EML3: variants seen among roughly 807,000 people sequenced by gnomAD.
The protein encoded by EML3 is EMAP like 3.
Under a neutral mutation model 106.7 loss-of-function variants are expected in EML3, and 53 were observed. The observed-to-expected ratio is 0.50, with a 90% CI of 0.40 to 0.62. The LOEUF (loss-of-function observed/expected upper bound fraction) is 0.62, where lower values mean the gene tolerates loss of function less well. EML3 is among the 20% of genes least tolerant of loss of function. The pLI is 0.00. For synonymous variants in EML3, 499 were observed against 489.6 expected (o/e 1.02, Z -0.25); for missense variants, 994 against 1,209.1 (o/e 0.82, Z 2.64).
At chr11:62,612,393 C>T in intron 1 of EML3, 43 bp downstream of exon 1, 1 of 1,495,968 alleles carries the variant, frequency 6.7e-7, no homozygotes, top group South Asian at 1.2e-5. Context: ...ACGAGCCGGG[C>T]GCTCCGGGAA....
chr11:62,612,405 G>A, intron 1 of EML3, 31 bp downstream of exon 1: 3 of 1,500,262 alleles, frequency 2.0e-6, no homozygotes, highest in Non-Finnish European at 2.7e-6. Flanking sequence ...CTCCGGGAAG[G>A]GGCACGCCGC....
Position 62,602,656 on chromosome 11 carries a change from C to T in EML3, c.2510G>A (p.Gly837Asp). ...GACGCTGGTCACGTGGCTGCCGTGG[C>T]CCCCGTACATGCGGCTCGGCGCCTG... ...RAKAPSRMYG[G>D]HGSHVTSVRF... Residue 837 changes from glycine to aspartate, a missense_variant, in exon 22 of 22, where the codon GGC becomes GAC. Coordinates refer to ENST00000394773, the MANE Select transcript of EML3 (RefSeq NM_153265.3). 1.9e-6 allele frequency: 3 copies of T among 1,595,988 alleles called. No homozygotes were observed. Among genetic ancestry groups the T allele is most frequent in the Non-Finnish European group, 2.6e-6 (3 of 1,174,470 alleles).
At position 62,606,213 on chromosome 11, in the gene EML3, C is replaced by A; in HGVS notation, c.1506G>T (p.Glu502Asp). The A allele has an allele frequency of 7.4e-6, 12 of 1,613,698 alleles. No homozygotes were observed. Among genetic ancestry groups the A allele is most frequent in the Non-Finnish European group, 1.0e-5 (12 of 1,179,936 alleles). The change falls in exon 13 of 22, where the codon GAG becomes GAT. Residue 502 changes from glutamate to aspartate, a missense_variant and splice_region_variant. By Grantham distance (45) the Glu-to-Asp change is conservative. This residue lies in a region of EML3 where 713 missense variants were observed against 920.5 expected (regional missense o/e 0.77). Coordinates refer to ENST00000394773, the MANE Select transcript of EML3 (RefSeq NM_153265.3). ...SKTPGRGGAKETYGIVAQAHA... is the reference protein window; with the variant it reads ...SKTPGRGGAKDTYGIVAQAHA... ...GAGCCTGGGCCACAATCCCATAGGTCTCTGTTGGCAAAGCCCCAGGTAGAT... is the reference window on the plus strand; with the variant it reads ...GAGCCTGGGCCACAATCCCATAGGTATCTGTTGGCAAAGCCCCAGGTAGAT...
rs1425750568 is a variant in EML3 at position 62,602,690 on chromosome 11, G to A, written c.2488-12C>T. 1.9e-6 allele frequency: 3 copies of A among 1,599,218 alleles called. No individual in the cohort carries two copies. The highest frequency in any genetic ancestry group is 2.6e-6 in the Non-Finnish European group (3 of 1,175,298). Reference sequence around the variant, plus strand: ...ATGCGGCTCGGCGCCTGGGCCGGAGGGAAGAGTTGCGGTGGCGGCTGAGCC... The same window carrying A: ...ATGCGGCTCGGCGCCTGGGCCGGAGAGAAGAGTTGCGGTGGCGGCTGAGCC... On this transcript the variant is annotated splice_polypyrimidine_tract_variant and intron_variant, in intron 21 of 21. Coordinates refer to ENST00000394773, the MANE Select transcript of EML3 (RefSeq NM_153265.3).
chr11:62,602,929 C>T, intron 20 of EML3, 40 bp from the exon 21 acceptor site: 1 of 1,495,876 alleles, frequency 6.7e-7, no homozygotes, highest in Non-Finnish European at 8.9e-7. Flanking sequence ...TCCTACCCAC[C>T]GCCACCCACG....
chr11:62,605,773 C>T lies in EML3; in HGVS notation c.1783G>A (p.Gly595Ser), dbSNP rs1802916301. ...AGCCCCCAGAGCTCATCAGTGTGGC[C>T]CTGCAGCACAGCATGACTGTCACTC... ...LAQGFSPVIQ[G>S]HTDELWGLCT... is the part of the protein sequence containing the mutation. The change falls in exon 15 of 22, where the codon GGC (glycine) becomes AGC (serine). Residue 595 changes from glycine (G) to serine (S), a missense_variant and splice_region_variant. Around this residue, in one of 3 missense-constraint regions of EML3, gnomAD observed 713 missense variants for 920.5 expected, o/e 0.77. Transcript: ENST00000394773. The surrounding 1 kb of genome is among the most constrained non-coding windows in gnomAD (Gnocchi z 5.2). 3.8e-6 allele frequency: 6 copies of T among 1,596,638 alleles called. No homozygotes were observed. Among genetic ancestry groups the T allele is most frequent in the Non-Finnish European group, 5.1e-6 (6 of 1,169,784 alleles).
intron 5 of EML3, 40 bp from the exon 6 acceptor site, chr11:62,609,517 G>C (rs746057333): frequency 1.3e-6 from 2 of 1,542,652 alleles, no homozygotes; most frequent in East Asian, 2.3e-5. Flanking sequence ...CCCCTTCCAG[G>C]AAAGACAGAG....
intron 4 of EML3, among the ~76,000 whole-genome samples, chr11:62,610,532 G>A (rs1398371548): frequency 1.3e-5 from 2 of 152,158 alleles, no homozygotes; most frequent in Non-Finnish European, 2.9e-5. Flanking sequence ...TGATGTAGTG[G>A]AAAGGGTAGG....
chr11:62,607,923 A>G (rs1478052718), intron 10 of EML3, 102 bp from the exon 11 acceptor site: 3 of 1,387,442 alleles, frequency 2.2e-6, no homozygotes, highest in Non-Finnish European at 3.0e-6. Context: ...GCAGAGGTCC[A>G]GAAACCCCAG....
intron 19 of EML3, 107 bp from the exon 20 acceptor site, chr11:62,603,354 G>T: frequency 9.6e-7 from 1 of 1,044,274 alleles, no homozygotes; most frequent in Non-Finnish European, 1.5e-6. Flanking sequence ...GCGATGGCAT[G>T]TGATCTGGTC....
In EML3 at chr11:62,609,711, G is replaced by C; in HGVS notation, c.567-15C>G. 2 of 1,588,760 alleles carry C rather than the reference G, an allele frequency of 1.3e-6. No homozygotes were observed. The highest frequency in any genetic ancestry group is 1.7e-6 in the Non-Finnish European group (2 of 1,169,022). On this transcript the variant is annotated splice_polypyrimidine_tract_variant and intron_variant, in intron 4 of 21. Transcript: ENST00000394773. ...TTCCCCCACGGCTGTTGGGAAGAGA[G>C]AAAGCACAGGGATTGGGGTCAGGTC...
In EML3 at chr11:62,604,118, C is replaced by T. The variant is rs776817379; in HGVS notation, c.2066G>A (p.Ser689Asn). 3.7e-6 allele frequency: 6 copies of T among 1,614,018 alleles called. No homozygotes were observed. The highest frequency in any genetic ancestry group is 2.2e-5 in the South Asian group (2 of 91,074). The change falls in exon 17 of 22, where the codon AGC becomes AAC. Residue 689 changes from serine to asparagine, a missense_variant. By Grantham distance (46) the Ser-to-Asn change is conservative. This residue lies in a region of EML3 where 713 missense variants were observed against 920.5 expected (regional missense o/e 0.77). Coordinates refer to ENST00000394773, the MANE Select transcript of EML3 (RefSeq NM_153265.3). Reference sequence around the variant, plus strand: ...AGGGTTGGGGTGGCTCCCACCTGGGCTGTACCGGACCACTGAGAGCTGCTC... The same window carrying T: ...AGGGTTGGGGTGGCTCCCACCTGGGTTGTACCGGACCACTGAGAGCTGCTC... ...GNEQLSVVRYSPDGLYLAIGS... is the reference protein window; with the variant it reads ...GNEQLSVVRYNPDGLYLAIGS...
chr11:62,605,596 G>A lies in EML3; in HGVS notation c.1914+46C>T. 1 of 1,508,530 alleles carries A rather than the reference G, an allele frequency of 6.6e-7. No homozygotes were observed. The highest frequency in any genetic ancestry group is 8.9e-7 in the Non-Finnish European group (1 of 1,129,464). 93.4% of individuals were successfully genotyped at this position (1,508,530 alleles called of 1,614,324 possible). On this transcript the variant is annotated intron_variant, in intron 15 of 21. Transcript: ENST00000394773. The surrounding 1 kb of genome is among the most constrained non-coding windows in gnomAD (Gnocchi z 5.2). Reference sequence around the variant, plus strand: ...TGGGGAAGGCGTGGTGGCCACAGGTGTCCTGGTGGGTGTGGCATGGGGGAT... The same window carrying A: ...TGGGGAAGGCGTGGTGGCCACAGGTATCCTGGTGGGTGTGGCATGGGGGAT...
intron 16 of EML3, chr11:62,604,851 T>A (rs1175154735): frequency 6.3e-6 from 2 of 315,648 alleles, no homozygotes; most frequent in Non-Finnish European, 1.2e-5. Context: ...CCCCTCCCAT[T>A]CCCACTGTTT....
Position 62,604,204 on chromosome 11 carries a change from G to A in EML3, c.1983-3C>T, listed in dbSNP as rs1942398605. 2.5e-6 allele frequency: 4 copies of A among 1,613,720 alleles called. No individual in the cohort carries two copies. The highest frequency in any genetic ancestry group is 3.4e-6 in the Non-Finnish European group (4 of 1,179,914). On this transcript the variant is annotated splice_polypyrimidine_tract_variant and splice_region_variant and intron_variant, in intron 16 of 21. Transcript: ENST00000394773. ...TCTCTGTGTCCAAAACCAACCACCT[G>A]GAAGGGAGGGAAGTGGAGGCAGATA...
rs113469859 is a variant in EML3 at position 62,604,814 on chromosome 11, C to G, written c.1982+299G>C. On this transcript the variant is annotated intron_variant, in intron 16 of 21. Coordinates refer to ENST00000394773, the MANE Select transcript of EML3 (RefSeq NM_153265.3). ...ACAAAGGCACTGTGCAAGCTGGAAG[C>G]CTGTCACTTCCCTGTGTTTGTCTAT... is the stretch of plus-strand genomic sequence containing the variant. 11 of 256,288 alleles carry G rather than the reference C, an allele frequency of 4.3e-5. 1 individual carries two copies. The highest frequency in any genetic ancestry group is 2.3e-4 in the African/African-American group (10 of 44,308). The allele number at this position is 256,288 out of a possible 1,614,324, so 15.9% of individuals were successfully genotyped here.
chr11:62,610,888 C>T lies in EML3; in HGVS notation c.557G>A (p.Ser186Asn), dbSNP rs368782143. The T allele has an allele frequency of 6.2e-7, 1 of 1,610,592 alleles. No individual in the cohort carries two copies. The highest frequency in any genetic ancestry group is 1.3e-5 in the African/African-American group (1 of 74,896). ...GGGAAGCCTCACCCACCTCTCTGTGCTCCCGGACCGCACTAACAGGTTGGC... is the reference window on the plus strand; with the variant it reads ...GGGAAGCCTCACCCACCTCTCTGTGTTCCCGGACCGCACTAACAGGTTGGC... ...SSANLLVRSG[S>N]TESRGGKDPL... The change falls in exon 4 of 22, where the codon AGC (serine) becomes AAC (asparagine). Residue 186 changes from serine to asparagine, a missense_variant. Transcript: ENST00000394773.
rs181027488 is a variant in EML3, at chr11:62,610,322, C to T, written c.566+557G>A. Among the ~76,000 whole-genome samples the T allele has an allele frequency of 9.8e-5, 15 of 152,300 alleles. No individual in the cohort carries two copies. The East Asian group carries it at 2.7e-3, about 27-fold the overall frequency. ...CCAAGGACAGGGCTAGAATGAACAT[C>T]CGGGTGTCCTGGGGCCCGTACATAC... On this transcript the variant is annotated intron_variant, in intron 4 of 21. Transcript: ENST00000394773.
In EML3 at chr11:62,609,622, T is replaced by C; in HGVS notation, c.634+7A>G. 1 of 1,606,394 alleles carries C rather than the reference T, an allele frequency of 6.2e-7. No individual in the cohort carries two copies. The highest frequency in any genetic ancestry group is 1.1e-5 in the South Asian group (1 of 89,932). ...CCAAGTTTTCCTCTCTGTCCCTCTT[T>C]ACATACCCAAATTGTAATTGCTCCT... is the stretch of plus-strand genomic sequence containing the variant. On this transcript the variant is annotated splice_region_variant and intron_variant, in intron 5 of 21. Coordinates refer to ENST00000394773, the MANE Select transcript of EML3 (RefSeq NM_153265.3).
Sources: gnomAD v4.1 joint callset for allele counts (sites outside exome capture counted in the v4.1 genomes callset) on GRCh38, gnomAD v4.1.1 for gene constraint, gnomAD v4.1.1 regional missense constraint, Gnocchi (gnomAD v3.1) non-coding constraint, MANE v1.5 for transcripts, NCBI Gene and HGNC (gene_info 2026-07-23, HGNC 2026-07-21) for gene names.